Variants in PLCE1 observed in about 807,000 individuals in gnomAD.
PLCE1 encodes phospholipase C epsilon 1, also known as 1-phosphatidylinositol 4,5-bisphosphate phosphodiesterase epsilon-1.
Under a neutral mutation model 242.8 loss-of-function variants are expected in PLCE1, and 119 were observed. The observed-to-expected ratio is 0.49, with a 90% CI of 0.42 to 0.57. PLCE1 has a LOEUF of 0.57. Among genes scored for constraint, PLCE1 ranks in the 20% least tolerant of loss-of-function variants. The pLI, the probability that PLCE1 is intolerant of heterozygous loss-of-function variation, is 0.00. For missense variants in PLCE1, 2,441 were observed against 2,788.8 expected, an observed-to-expected ratio of 0.88 and a Z score of 2.81; for synonymous variants, 945 against 1,017.4, an observed-to-expected ratio of 0.93 and a Z score of 1.35.
intron 4 of PLCE1, among the ~76,000 whole-genome samples, chr10:94,184,826 C>A (rs1225508416): frequency 6.6e-6 from 1 of 150,416 alleles, no homozygotes; most frequent in Non-Finnish European, 1.5e-5. Context: ...AGCTCAAGAG[C>A]CAGGGAACTT....
rs149410078 is a variant in PLCE1, at chr10:94,227,058, G to A, written c.1810-248G>A. ...TGCCCAGCTAATTTTTGTATTTTTA[G>A]TAGAAACGGGCTTTCACCACGCTGG... On this transcript the variant is annotated intron_variant, in intron 4 of 32. Coordinates refer to ENST00000371380, the MANE Select transcript of PLCE1 (RefSeq NM_016341.4). The A allele has an allele frequency of 0.018, 7,220 of 407,228 alleles. 104 individuals carry two copies. The highest frequency in any genetic ancestry group is 0.064 in the Middle Eastern group (81 of 1,256). 25.2% of individuals were successfully genotyped at this position (407,228 alleles called of 1,614,324 possible). A position where few individuals can be genotyped will look rare whatever the true frequency, so the allele number is the denominator to read the frequency against.
intron 2 of PLCE1, among the ~76,000 whole-genome samples, chr10:94,071,495 G>GTTTTTTTTTTTTTTGTTTGTTTTTT (rs2044353601): frequency 1.2e-5 from 1 of 83,316 alleles, no homozygotes; most frequent in African/African-American, 5.4e-5. Flanking sequence ...TTTGGTTTTC[G>GTTTTTTTTTTTTTTGTTTGTTTTTT]TTTTTTTTTT....
chr10:94,083,778 G>A (rs770962691), intron 2 of PLCE1, among the ~76,000 whole-genome samples: 3 of 152,214 alleles, frequency 2.0e-5, no homozygotes, highest in Non-Finnish European at 4.4e-5. Context: ...ACCAAGTACA[G>A]TCTGAATGAC....
At chr10:94,148,264 A>C (rs2764343) in intron 3 of PLCE1, among the ~76,000 whole-genome samples, 139,059 of 152,236 alleles carry the variant, frequency 0.91, 64,075 homozygotes, top group South Asian at 0.98. Context: ...AAAGGCTTAG[A>C]TGCAGGATAT....
chr10:94,243,958 T>C (rs1373353948), intron 7 of PLCE1, among the ~76,000 whole-genome samples: 2 of 152,234 alleles, frequency 1.3e-5, no homozygotes, highest in Non-Finnish European at 2.9e-5. Flanking sequence ...TTATTCATTT[T>C]CATTGCTGTA....
At chr10:94,266,107 G>T in intron 16 of PLCE1, 149 bp downstream of exon 16, 1 of 744,820 alleles carries the variant, frequency 1.3e-6, no homozygotes, top group East Asian at 2.6e-5. Flanking sequence ...TGATGTGTGG[G>T]AAAACTGGCT....
intron 20 of PLCE1, among the ~76,000 whole-genome samples, chr10:94,282,998 A>G (rs2052298757): frequency 6.6e-6 from 1 of 152,122 alleles, no homozygotes; most frequent in South Asian, 2.1e-4. Flanking sequence ...CTGATTTGGT[A>G]TAAGGTCCTT....
chr10:94,066,630 AC>A (rs2044203909), intron 2 of PLCE1, among the ~76,000 whole-genome samples: 3 of 152,078 alleles, frequency 2.0e-5, no homozygotes, highest in Admixed American at 1.3e-4. Flanking sequence ...ATTTTAATGC[AC>A]TATTCCCATG....
chr10:94,109,022 T>C (rs2045859268), intron 2 of PLCE1: 1 of 152,238 alleles, frequency 6.6e-6, no homozygotes, highest in Non-Finnish European at 1.5e-5. Flanking sequence ...CTAGTTGATA[T>C]AGACAAGCAG....
intron 4 of PLCE1, among the ~76,000 whole-genome samples, chr10:94,214,453 T>C (rs1014890135): frequency 1.3e-5 from 2 of 152,180 alleles, no homozygotes; most frequent in Non-Finnish European, 2.9e-5. Flanking sequence ...CCAACATATA[T>C]GTACTGGACA....
At chr10:94,253,365 T>C (rs184363792) in intron 9 of PLCE1, among the ~76,000 whole-genome samples, 13 of 152,012 alleles carry the variant, frequency 8.6e-5, no homozygotes, top group Non-Finnish European at 1.0e-4. Flanking sequence ...ACTTTTTTTT[T>C]CTCTTAGAAA....
At chr10:94,211,113 C>T (rs2049317865) in intron 4 of PLCE1, among the ~76,000 whole-genome samples, 1 of 152,234 alleles carries the variant, frequency 6.6e-6, no homozygotes, top group African/African-American at 2.4e-5. Context: ...CCCTTGTTTT[C>T]ATGGCCTGGA....
In PLCE1 at chr10:94,321,973, G is replaced by A. The variant is rs1041719230; in HGVS notation, c.6415G>A (p.Val2139Ile). Residue 2139 changes from valine (V) to isoleucine (I), a missense_variant, in exon 30 of 33, where the codon GTC becomes ATC. Around this residue, in one of 5 missense-constraint regions of PLCE1, gnomAD observed 310 missense variants for 317.2 expected, o/e 0.98. Coordinates refer to ENST00000371380, the MANE Select transcript of PLCE1 (RefSeq NM_016341.4). ...GAGCTCAGAGGAGGAGAGTTTCTTT[G>A]TCCAAGTGCATGATGTTTCTCCAGA... Reference protein sequence around the residue: ...ILSSEEESFFVQVHDVSPEQP... With the variant: ...ILSSEEESFFIQVHDVSPEQP... 1.9e-6 allele frequency: 3 copies of A among 1,613,960 alleles called. No individual in the cohort carries two copies. Among genetic ancestry groups the A allele is most frequent in the African/African-American group, 1.3e-5 (1 of 75,022 alleles).
At chr10:94,123,716 T>G (rs1483430552) in intron 2 of PLCE1, among the ~76,000 whole-genome samples, 1 of 152,208 alleles carries the variant, frequency 6.6e-6, no homozygotes, top group African/African-American at 2.4e-5. Context: ...CTTCAACCTT[T>G]TAGAACACTG....
At chr10:94,123,192 G>A (rs2046346133) in intron 2 of PLCE1, among the ~76,000 whole-genome samples, 1 of 152,168 alleles carries the variant, frequency 6.6e-6, no homozygotes, top group South Asian at 2.1e-4. Context: ...AGGCCACATG[G>A]AGGAGGTAAA....
chr10:94,291,227 G>A (rs1325559786), intron 22 of PLCE1, among the ~76,000 whole-genome samples: 2 of 152,046 alleles, frequency 1.3e-5, no homozygotes, highest in African/African-American at 2.4e-5. Flanking sequence ...GGGCTCAAGC[G>A]ATTCTCCTGC....
intron 4 of PLCE1, among the ~76,000 whole-genome samples, chr10:94,220,237 C>CAT (rs1322072407): frequency 6.6e-6 from 1 of 150,754 alleles, no homozygotes; most frequent in Non-Finnish European, 1.5e-5. Context: ...CACACACATA[C>CAT]ATATATGTAG....
chr10:94,264,620 C>T (rs918261878), intron 14 of PLCE1, among the ~76,000 whole-genome samples: 1 of 141,496 alleles, frequency 7.1e-6, no homozygotes. Context: ...CTCCCAGGTT[C>T]AAGCAATTCT....
At chr10:94,179,502 T>TTTTAG in intron 4 of PLCE1, among the ~76,000 whole-genome samples, 1 of 124,178 alleles carries the variant, frequency 8.1e-6, no homozygotes, top group South Asian at 3.0e-4. Flanking sequence ...CTTATTTTTA[T>TTTTAG]TTTAGTTTAG....
Sources: gnomAD v4.1 joint callset for allele counts (sites outside exome capture counted in the v4.1 genomes callset) on GRCh38, gnomAD v4.1.1 for gene constraint, gnomAD v4.1.1 regional missense constraint, MANE v1.5 for transcripts, NCBI Gene and HGNC (gene_info 2026-07-23, HGNC 2026-07-21) for gene names.